GRM8: variants seen among roughly 807,000 people sequenced by gnomAD.
GRM8 encodes glutamate metabotropic receptor 8.
GRM8 carries 47 observed loss-of-function variants against 87.2 expected under a neutral mutation model. That is an observed-to-expected ratio of 0.54 (90% CI 0.43 to 0.69). The LOEUF is 0.69. GRM8 is among the 30% of genes least tolerant of loss of function. GRM8 has a pLI of 0.00. For synonymous variants in GRM8, 396 were observed against 404.5 expected (o/e 0.98, Z 0.25); for missense variants, 1,019 against 1,139.2 (o/e 0.89, Z 1.52).
chr7:126,610,274 C>T (rs1798786688), intron 7 of GRM8, among the ~76,000 whole-genome samples: 1 of 152,122 alleles, frequency 6.6e-6, no homozygotes, highest in East Asian at 1.9e-4. Context: ...AATGGATCAC[C>T]ACCCCAATGT....
intron 7 of GRM8, among the ~76,000 whole-genome samples, chr7:126,739,956 C>A (rs1157848179): frequency 6.6e-6 from 1 of 151,898 alleles, no homozygotes; most frequent in African/African-American, 2.4e-5. Context: ...GCAGACTATA[C>A]CATCTAGGTT....
At chr7:126,858,903 T>C (rs1205166797) in intron 6 of GRM8, among the ~76,000 whole-genome samples, 1 of 152,202 alleles carries the variant, frequency 6.6e-6, no homozygotes, top group African/African-American at 2.4e-5. Flanking sequence ...ACATACTTTT[T>C]CCCATTTACC....
At chr7:126,996,022 T>C (rs1471973040) in intron 3 of GRM8, among the ~76,000 whole-genome samples, 1 of 151,974 alleles carries the variant, frequency 6.6e-6, no homozygotes, top group Non-Finnish European at 1.5e-5. Context: ...AGTAGAAACC[T>C]TACTGGCCAG....
chr7:127,039,257 T>C (rs1818125593), intron 3 of GRM8, among the ~76,000 whole-genome samples: 1 of 152,020 alleles, frequency 6.6e-6, no homozygotes, highest in African/African-American at 2.4e-5. Context: ...TAAAATGCAG[T>C]CATTATGACG....
chr7:126,768,643 T>C (rs1290433045), intron 7 of GRM8, among the ~76,000 whole-genome samples: 2 of 152,042 alleles, frequency 1.3e-5, no homozygotes, highest in Non-Finnish European at 2.9e-5. Context: ...TTCAGTTCTA[T>C]GGAAACTTCA....
chr7:126,912,234 T>C (rs535531805), intron 3 of GRM8, among the ~76,000 whole-genome samples: 3 of 148,374 alleles, frequency 2.0e-5, no homozygotes, highest in Non-Finnish European at 4.5e-5. Context: ...AACAAACAAA[T>C]AGAGAAAAGA....
chr7:126,923,328 T>TAAGTCAAC (rs1804737884), intron 3 of GRM8, among the ~76,000 whole-genome samples: 2 of 152,188 alleles, frequency 1.3e-5, no homozygotes, highest in Non-Finnish European at 2.9e-5. Flanking sequence ...AAGCATCTGC[T>TAAGTCAAC]TTTCATGTAA....
intron 8 of GRM8, among the ~76,000 whole-genome samples, chr7:126,602,382 G>T (rs1246410402): frequency 7.8e-6 from 1 of 128,778 alleles, no homozygotes; most frequent in Non-Finnish European, 1.8e-5. Flanking sequence ...CTCCAGCTTT[G>T]TTCTTTTGGC....
intron 7 of GRM8, among the ~76,000 whole-genome samples, chr7:126,613,283 G>A (rs888017783): frequency 8.2e-5 from 9 of 110,146 alleles, no homozygotes; most frequent in African/African-American, 1.8e-4. Flanking sequence ...ATTAAGTGGC[G>A]AATTTTTTTT....
chr7:127,101,232 T>C (rs1032167290), intron 3 of GRM8, among the ~76,000 whole-genome samples: 2 of 152,196 alleles, frequency 1.3e-5, no homozygotes, highest in Non-Finnish European at 2.9e-5. Context: ...CACTGCCCTA[T>C]ATCAGGCCAA....
chr7:126,605,981 C>G (rs1378442136), intron 8 of GRM8, among the ~76,000 whole-genome samples: 1 of 152,208 alleles, frequency 6.6e-6, no homozygotes, highest in East Asian at 1.9e-4. Context: ...ACTATAGTCT[C>G]AACACCTTTT....
At chr7:126,647,092 T>G (rs1170159779) in intron 7 of GRM8, among the ~76,000 whole-genome samples, 4 of 152,052 alleles carry the variant, frequency 2.6e-5, no homozygotes, top group Non-Finnish European at 5.9e-5. Flanking sequence ...CAGTATCTTT[T>G]AATAAATCTC....
chr7:126,908,494 A>T (rs886600082), intron 3 of GRM8, among the ~76,000 whole-genome samples: 2 of 152,210 alleles, frequency 1.3e-5, no homozygotes, highest in African/African-American at 2.4e-5. Flanking sequence ...AATTGCCATG[A>T]TTACTTAAGC....
chr7:127,189,037 C>T (rs147586917), intron 2 of GRM8, among the ~76,000 whole-genome samples: 126 of 152,322 alleles, frequency 8.3e-4, no homozygotes, highest in African/African-American at 2.4e-3. Flanking sequence ...TTAGAAGCTT[C>T]AGAAGTGTCT....
chr7:126,952,242 A>C (rs1808239098), intron 3 of GRM8, among the ~76,000 whole-genome samples: 1 of 152,074 alleles, frequency 6.6e-6, no homozygotes, highest in African/African-American at 2.4e-5. Flanking sequence ...TAATAATATT[A>C]GAATATGACC....
At chr7:126,895,551 T>C (rs565546828) in intron 6 of GRM8, among the ~76,000 whole-genome samples, 1 of 152,226 alleles carries the variant, frequency 6.6e-6, no homozygotes, top group South Asian at 2.1e-4. Flanking sequence ...GCTTCCCATA[T>C]TGCTTTAAAA....
intron 2 of GRM8, among the ~76,000 whole-genome samples, chr7:127,207,545 C>G (rs1168005335): frequency 6.6e-6 from 1 of 152,148 alleles, no homozygotes; most frequent in Non-Finnish European, 1.5e-5. Context: ...CATTGACAAT[C>G]CCCATCATAA....
intron 6 of GRM8, among the ~76,000 whole-genome samples, chr7:126,847,060 A>G (rs1404891205): frequency 1.3e-5 from 2 of 152,178 alleles, no homozygotes; most frequent in African/African-American, 4.8e-5. Flanking sequence ...TTTACTTTGG[A>G]TGTGCTGTTA....
At chr7:127,076,282 G>A in intron 3 of GRM8, 1 of 449,246 alleles carries the variant, frequency 2.2e-6, no homozygotes, top group South Asian at 1.6e-5. Flanking sequence ...TTTTAATGCT[G>A]TAATATACAT....
Sources: allele counts gnomAD v4.1 joint callset (sites outside exome capture counted in the v4.1 genomes callset), GRCh38; gene constraint gnomAD v4.1.1; transcripts MANE v1.5; gene names NCBI Gene and HGNC (gene_info 2026-07-23, HGNC 2026-07-21).